The following CRB1 variants were observed in gnomAD, a reference collection of about 807,000 sequenced individuals.
CRB1 encodes the protein crumbs cell polarity complex component 1, also known as protein crumbs homolog 1.
CRB1 carries 83 observed loss-of-function variants against 120.0 expected under a neutral mutation model. The ratio of observed to expected loss-of-function variants is 0.69; its 90% CI spans 0.58 to 0.83. The LOEUF (loss-of-function observed/expected upper bound fraction) is 0.83, where lower values mean the gene tolerates loss of function less well. Among genes scored for constraint, CRB1 ranks in the 40% least tolerant of loss-of-function variants. CRB1 has a pLI of 0.00. For missense variants in CRB1, 1,699 were observed against 1,687.6 expected (o/e 1.01, Z -0.12); for synonymous variants, 625 against 612.5 (o/e 1.02, Z -0.30).
At chr1:197,298,797 A>T (rs970064269) in intron 1 of CRB1, among the ~76,000 whole-genome samples, 5 of 152,042 alleles carry the variant, frequency 3.3e-5, no homozygotes, top group African/African-American at 9.7e-5. Flanking sequence ...TGGCATTAAA[A>T]TTTTTTTGCC....
At chr1:197,416,653 C>G (rs1230450558) in intron 5 of CRB1, among the ~76,000 whole-genome samples, 1 of 152,054 alleles carries the variant, frequency 6.6e-6, no homozygotes, top group Non-Finnish European at 1.5e-5. Context: ...AAAGTAAATA[C>G]AGATAACAGA....
intron 5 of CRB1, among the ~76,000 whole-genome samples, chr1:197,392,179 A>C (rs949646760): frequency 3.3e-5 from 5 of 151,724 alleles, no homozygotes; most frequent in African/African-American, 1.2e-4. Flanking sequence ...TTTGGTCCTT[A>C]CTCTACACTT....
At chr1:197,434,663 A>C in intron 8 of CRB1, 43 bp from the exon 9 acceptor site, 1 of 1,537,822 alleles carries the variant, frequency 6.5e-7, no homozygotes, top group Non-Finnish European at 9.0e-7. Context: ...AGCAAACTAT[A>C]GATTTAATAA....
chr1:197,217,373 GAAGGATA>G, the CRB1 span, among the ~76,000 whole-genome samples: 2 of 152,150 alleles, frequency 1.3e-5, no homozygotes, highest in Non-Finnish European at 2.9e-5. Flanking sequence ...ACTTGTACAT[GAAGGATA>G]GCTGTATTAT....
the CRB1 span, among the ~76,000 whole-genome samples, chr1:197,228,296 C>T: frequency 5.9e-5 from 9 of 152,152 alleles, no homozygotes; most frequent in Non-Finnish European, 2.9e-5. Context: ...AACTTTTATG[C>T]TCTTTTTCGC....
chr1:197,288,117 A>G (rs1222018714), intron 1 of CRB1, among the ~76,000 whole-genome samples: 1 of 151,856 alleles, frequency 6.6e-6, no homozygotes, highest in Non-Finnish European at 1.5e-5. Context: ...CTGAGGGGAG[A>G]GCTGCACAGA....
At chr1:197,301,991 A>G (rs1420811456) in intron 1 of CRB1, among the ~76,000 whole-genome samples, 1 of 152,220 alleles carries the variant, frequency 6.6e-6, no homozygotes, top group African/African-American at 2.4e-5. Context: ...CTCATAAAAC[A>G]GCAATGAGGT....
chr1:197,368,345 T>G (rs1661190740), intron 5 of CRB1, among the ~76,000 whole-genome samples: 1 of 152,238 alleles, frequency 6.6e-6, no homozygotes, highest in Admixed American at 6.5e-5. Context: ...ATAAAACATC[T>G]TTTCAAGATT....
chr1:197,464,429 A>G (rs1334482594), intron 11 of CRB1, among the ~76,000 whole-genome samples: 1 of 152,110 alleles, frequency 6.6e-6, no homozygotes, highest in Non-Finnish European at 1.5e-5. Flanking sequence ...AGGACAAGCA[A>G]TCTAAATGGT....
chr1:197,344,412 A>C lies in CRB1; in HGVS notation c.784A>C (p.Asn262His), dbSNP rs1464466189. ...ATTCCTGGGGGATCACTGTGAACTC[A>C]ACACTGATGAGTGTGCCAGTCAACC... ...PGFLGDHCEL[N>H]TDECASQPCL... The change falls in exon 3 of 12, where the codon AAC (asparagine) becomes CAC (histidine). Residue 262 changes from asparagine (N) to histidine (H), a missense_variant. Asn to His is a moderately conservative substitution (Grantham distance 68). Coordinates refer to ENST00000367400, the MANE Select transcript of CRB1 (RefSeq NM_201253.3). The C allele has an allele frequency of 6.2e-7, 1 of 1,614,090 alleles. No individual in the cohort carries two copies. The highest frequency in any genetic ancestry group is 1.3e-5 in the African/African-American group (1 of 75,014).
At chr1:197,402,379 G>A (rs1663109614) in intron 5 of CRB1, among the ~76,000 whole-genome samples, 1 of 152,166 alleles carries the variant, frequency 6.6e-6, no homozygotes, top group Admixed American at 6.5e-5. Flanking sequence ...TCTCACAAAA[G>A]ACATTACCTT....
chr1:197,442,441 T>G, intron 11 of CRB1, 149 bp downstream of exon 11: 1 of 1,559,854 alleles, frequency 6.4e-7, no homozygotes, highest in South Asian at 1.2e-5. Context: ...CATTCCCAAA[T>G]GAAAAAAAAA....
chr1:197,453,565 G>GGA (rs1304573046), intron 11 of CRB1, among the ~76,000 whole-genome samples: 33 of 115,842 alleles, frequency 2.8e-4, no homozygotes, highest in Non-Finnish European at 6.0e-4. Flanking sequence ...GAGAGAGAGA[G>GGA]AGAGGGAGAG....
intron 11 of CRB1, among the ~76,000 whole-genome samples, chr1:197,457,456 A>G (rs1050588156): frequency 1.3e-5 from 2 of 152,084 alleles, no homozygotes; most frequent in Admixed American, 1.3e-4. Context: ...ATCTGCATCT[A>G]TTACCAATTA....
At chr1:197,389,434 CA>C (rs1406085931) in intron 5 of CRB1, among the ~76,000 whole-genome samples, 2 of 151,964 alleles carry the variant, frequency 1.3e-5, no homozygotes, top group African/African-American at 4.8e-5. Flanking sequence ...TGAAATAATC[CA>C]GTAACAAAAG....
chr1:197,317,109 G>A (rs1314487228), intron 1 of CRB1, among the ~76,000 whole-genome samples: 5 of 152,098 alleles, frequency 3.3e-5, no homozygotes, highest in Non-Finnish European at 5.9e-5. Flanking sequence ...CAGATTCAGT[G>A]CAATCTCTAT....
chr1:197,278,897 G>C (rs114735127), intron 1 of CRB1, among the ~76,000 whole-genome samples: 1 of 151,852 alleles, frequency 6.6e-6, no homozygotes, highest in South Asian at 2.1e-4. Flanking sequence ...TATGTGTAAA[G>C]GCTGTCCAGA....
chr1:197,401,811 C>T (rs886963092), intron 5 of CRB1, among the ~76,000 whole-genome samples: 1 of 152,052 alleles, frequency 6.6e-6, no homozygotes, highest in Non-Finnish European at 1.5e-5. Context: ...CTGTTATCTA[C>T]AAATTTGAAT....
At chr1:197,277,489 G>C (rs1364476650) in intron 1 of CRB1, among the ~76,000 whole-genome samples, 1 of 151,898 alleles carries the variant, frequency 6.6e-6, no homozygotes, top group Non-Finnish European at 1.5e-5. Context: ...CTAGTCAGAT[G>C]GTCTCAAATT....
Sources: allele counts gnomAD v4.1 joint callset (sites outside exome capture counted in the v4.1 genomes callset), GRCh38; gene constraint gnomAD v4.1.1; transcripts MANE v1.5; gene names NCBI Gene and HGNC (gene_info 2026-07-23, HGNC 2026-07-21).